The following RBFOX1 variants were observed in gnomAD, a reference collection of about 807,000 sequenced individuals.
RBFOX1 encodes RNA binding fox-1 homolog 1, also known as RNA binding protein fox-1 homolog 1.
RBFOX1 carries 8 observed loss-of-function variants against 57.7 expected under a neutral mutation model. The observed-to-expected ratio is 0.14, with a 90% CI of 0.08 to 0.25. The LOEUF (loss-of-function observed/expected upper bound fraction) is 0.25, where lower values mean the gene tolerates loss of function less well. Ranked by LOEUF, RBFOX1 falls within the 10% of genes least tolerant of loss-of-function variation. The pLI, the probability that RBFOX1 is intolerant of heterozygous loss-of-function variation, is 1.00. For synonymous variants in RBFOX1, 326 were observed against 222.4 expected (o/e 1.47, Z -4.15); for missense variants, 611 against 548.5 (o/e 1.11, Z -1.14).
intron 3 of RBFOX1, among the ~76,000 whole-genome samples, chr16:6,742,400 A>G (rs1049248193): frequency 2.8e-4 from 43 of 152,232 alleles, no homozygotes; most frequent in African/African-American, 9.6e-4. Flanking sequence ...AAAATGACAC[A>G]ACTCTTCTGG....
chr16:6,372,556 G>C (rs1286416794), intron 2 of RBFOX1, among the ~76,000 whole-genome samples: 1 of 151,868 alleles, frequency 6.6e-6, no homozygotes, highest in African/African-American at 2.4e-5. Context: ...GGATGGTTGG[G>C]TGGAATGGAG....
chr16:5,678,824 GTTAAATTTGCTAC>G (rs1489097077), intron 3 of RBFOX1, among the ~76,000 whole-genome samples: 3 of 152,200 alleles, frequency 2.0e-5, no homozygotes, highest in Admixed American at 6.5e-5. Flanking sequence ...GTTCTAGCAC[GTTAAATTTGCTAC>G]TCAATGCTCA....
chr16:6,091,465 G>T (rs1042106692), intron 1 of RBFOX1, among the ~76,000 whole-genome samples: 1 of 152,006 alleles, frequency 6.6e-6, no homozygotes, highest in Non-Finnish European at 1.5e-5. Flanking sequence ...TAGGGTGAGC[G>T]GTCTATATCT....
At chr16:7,516,516 C>T (rs2076387416) in intron 4 of RBFOX1, among the ~76,000 whole-genome samples, 1 of 152,314 alleles carries the variant, frequency 6.6e-6, no homozygotes, top group South Asian at 2.1e-4. Flanking sequence ...TGCATGTCTT[C>T]TTTGGCTTCC....
At chr16:6,531,787 A>G (rs2096661535) in intron 2 of RBFOX1, among the ~76,000 whole-genome samples, 1 of 152,194 alleles carries the variant, frequency 6.6e-6, no homozygotes, top group African/African-American at 2.4e-5. Context: ...GTGTATGAGT[A>G]TCAACCCAAT....
At chr16:6,246,383 A>G (rs973197027) in intron 1 of RBFOX1, among the ~76,000 whole-genome samples, 1 of 152,138 alleles carries the variant, frequency 6.6e-6, no homozygotes, top group East Asian at 1.9e-4. Context: ...TTTATCTTTT[A>G]AGCATCATGA....
intron 4 of RBFOX1, among the ~76,000 whole-genome samples, chr16:7,446,891 C>A (rs67562364): frequency 0.39 from 53,150 of 137,810 alleles, 10,228 homozygotes; most frequent in Non-Finnish European, 0.44. Context: ...CGGCTCACTG[C>A]AAACTCCACC....
intron 1 of RBFOX1, among the ~76,000 whole-genome samples, chr16:6,287,739 T>G (rs1314747373): frequency 6.6e-6 from 1 of 152,174 alleles, no homozygotes; most frequent in African/African-American, 2.4e-5. Context: ...AATGGCATAT[T>G]AAGACCATTC....
At chr16:6,707,244 GTCC>G (rs2062909917) in intron 3 of RBFOX1, among the ~76,000 whole-genome samples, 1 of 152,116 alleles carries the variant, frequency 6.6e-6, no homozygotes, top group Non-Finnish European at 1.5e-5. Flanking sequence ...TTCCTAAACG[GTCC>G]TCCTCCAATA....
At chr16:7,200,143 G>A (rs2087950582) in intron 4 of RBFOX1, among the ~76,000 whole-genome samples, 1 of 152,164 alleles carries the variant, frequency 6.6e-6, no homozygotes, top group South Asian at 2.1e-4. Flanking sequence ...AATTGTTCTG[G>A]GCTACAAATT....
chr16:6,536,875 A>G (rs7195768), intron 2 of RBFOX1, among the ~76,000 whole-genome samples: 7,747 of 152,300 alleles, frequency 0.051, 280 homozygotes, highest in Non-Finnish European at 0.077. Flanking sequence ...CATTTTCAGA[A>G]TCTTAGAATA....
chr16:6,413,429 G>C (rs1466169609), intron 2 of RBFOX1, among the ~76,000 whole-genome samples: 1 of 152,020 alleles, frequency 6.6e-6, no homozygotes, highest in Non-Finnish European at 1.5e-5. Context: ...TTCCCAAAGT[G>C]CTGGGGTTAC....
chr16:6,847,690 G>C lies in RBFOX1; in HGVS notation c.-16+193040G>C, dbSNP rs143511633. Among the ~76,000 whole-genome samples the C allele has an allele frequency of 3.7e-3, 569 of 152,254 alleles. 2 individuals are homozygous for C. Among genetic ancestry groups the C allele is most frequent in the African/African-American group, 0.013 (526 of 41,558 alleles). The stretch of plus-strand genomic sequence containing the variant: ...CTACAAGAGGCTGATACGGTTATTT[G>C]ACAGTGATCGTCAGGATTAGAGCAC... On this transcript the variant is annotated intron_variant, in intron 3 of 15. Transcript: ENST00000550418.
chr16:7,600,793 A>G (rs547065802), intron 9 of RBFOX1, among the ~76,000 whole-genome samples: 137 of 152,314 alleles, frequency 9.0e-4, no homozygotes, highest in African/African-American at 3.2e-3. Flanking sequence ...GTGATGAGAT[A>G]CCTGTCCATT....
At chr16:6,683,851 C>T (rs2154124993) in intron 3 of RBFOX1, among the ~76,000 whole-genome samples, 1 of 152,274 alleles carries the variant, frequency 6.6e-6, no homozygotes, top group East Asian at 1.9e-4. Flanking sequence ...ACTTTGAAGC[C>T]TCAGCAAAGT....
chr16:5,731,396 T>C (rs1273932149), intron 3 of RBFOX1, among the ~76,000 whole-genome samples: 1 of 152,256 alleles, frequency 6.6e-6, no homozygotes, highest in Non-Finnish European at 1.5e-5. Flanking sequence ...TCAGGTATTA[T>C]GCTAAAACCC....
chr16:6,059,248 C>T (rs1206477428), intron 1 of RBFOX1: 1 of 152,090 alleles, frequency 6.6e-6, no homozygotes, highest in East Asian at 1.9e-4. Flanking sequence ...AAGATCAAAA[C>T]AAAAGGTGAG....
intron 4 of RBFOX1, among the ~76,000 whole-genome samples, chr16:7,350,390 T>C (rs1369137558): frequency 6.6e-6 from 1 of 151,926 alleles, no homozygotes; most frequent in Non-Finnish European, 1.5e-5. Flanking sequence ...AGAGGGAGGA[T>C]GAAAAACACA....
At chr16:7,371,893 G>T (rs2097573190) in intron 4 of RBFOX1, among the ~76,000 whole-genome samples, 1 of 151,712 alleles carries the variant, frequency 6.6e-6, no homozygotes, top group Non-Finnish European at 1.5e-5. Context: ...TTGATGATAT[G>T]CCATGGAGCC....
Sources: gnomAD v4.1 joint callset for allele counts (sites outside exome capture counted in the v4.1 genomes callset) on GRCh38, gnomAD v4.1.1 for gene constraint, MANE v1.5 for transcripts, NCBI Gene and HGNC (gene_info 2026-07-23, HGNC 2026-07-21) for gene names.